The following EEIG1 variants were observed in gnomAD, a reference collection of about 807,000 sequenced individuals.
The protein encoded by EEIG1 is early estrogen-induced gene 1 protein.
chr9:127,944,674 G>C, the EEIG1 span: 82 of 1,612,846 alleles, frequency 5.1e-5, no homozygotes, highest in Non-Finnish European at 6.7e-5. Flanking sequence ...CGAACAGCCG[G>C]AGGTTGCTGT....
At chr9:127,969,989 C>T in the EEIG1 span, among the ~76,000 whole-genome samples, 1 of 152,154 alleles carries the variant, frequency 6.6e-6, no homozygotes, top group African/African-American at 2.4e-5. Flanking sequence ...CCCATGAAAC[C>T]AGCCCCCAAG....
the EEIG1 span, among the ~76,000 whole-genome samples, chr9:127,977,958 A>G: frequency 2.6e-5 from 4 of 152,178 alleles, no homozygotes; most frequent in African/African-American, 7.2e-5. Flanking sequence ...AACTTGCCCA[A>G]TGTCACTCAG....
the EEIG1 span, among the ~76,000 whole-genome samples, chr9:127,947,673 G>A: frequency 6.6e-6 from 1 of 152,148 alleles, no homozygotes; most frequent in Admixed American, 6.5e-5. Context: ...CTCACCCCCT[G>A]AATGCAGCTC....
At chr9:127,955,713 T>C in the EEIG1 span, among the ~76,000 whole-genome samples, 1 of 152,182 alleles carries the variant, frequency 6.6e-6, no homozygotes, top group Non-Finnish European at 1.5e-5. Flanking sequence ...GGAAACAGCA[T>C]GAATGAGGGA....
At chr9:127,944,356 C>A in the EEIG1 span, 3 of 586,600 alleles carry the variant, frequency 5.1e-6, no homozygotes, top group Non-Finnish European at 9.1e-6. Flanking sequence ...CTGCACCAGG[C>A]ATTGCTGGAG....
the EEIG1 span, among the ~76,000 whole-genome samples, chr9:127,963,460 T>G: frequency 0.013 from 1,935 of 152,352 alleles, 120 homozygotes; most frequent in East Asian, 0.2. Context: ...ATTTTTAGCT[T>G]TAAGATATAC....
chr9:127,967,546 A>C, the EEIG1 span, among the ~76,000 whole-genome samples: 1 of 152,208 alleles, frequency 6.6e-6, no homozygotes, highest in East Asian at 1.9e-4. Context: ...AAGAAGACAC[A>C]ATGGGTGTCA....
the EEIG1 span, among the ~76,000 whole-genome samples, chr9:127,977,976 G>A: frequency 6.6e-6 from 1 of 152,184 alleles, no homozygotes; most frequent in Non-Finnish European, 1.5e-5. Flanking sequence ...CAGCCAGTGA[G>A]TAGCCAACTC....
the EEIG1 span, among the ~76,000 whole-genome samples, chr9:127,959,542 C>G: frequency 6.6e-6 from 1 of 152,146 alleles, no homozygotes; most frequent in Admixed American, 6.5e-5. Flanking sequence ...ATTGTGATCC[C>G]CACATGTCAA....
chr9:127,955,018 G>C, the EEIG1 span, among the ~76,000 whole-genome samples: 1 of 152,142 alleles, frequency 6.6e-6, no homozygotes, highest in African/African-American at 2.4e-5. Context: ...CTGCATCCCC[G>C]AGCAGCTCCC....
chr9:127,980,192 G>C, the EEIG1 span: 1 of 1,555,366 alleles, frequency 6.4e-7, no homozygotes, highest in South Asian at 1.2e-5. Flanking sequence ...GAGAGGGACG[G>C]GATTCCTTTC....
chr9:127,970,321 G>C, the EEIG1 span, among the ~76,000 whole-genome samples: 2 of 152,130 alleles, frequency 1.3e-5, no homozygotes, highest in Admixed American at 1.3e-4. Flanking sequence ...GTTTCACCTT[G>C]TTGGTCAGGC....
At chr9:127,957,339 G>A in the EEIG1 span, among the ~76,000 whole-genome samples, 1 of 150,098 alleles carries the variant, frequency 6.7e-6, no homozygotes, top group Middle Eastern at 3.2e-3. Flanking sequence ...GGCAAACACA[G>A]TGAAAAGAAG....
At chr9:127,972,956 C>T in the EEIG1 span, among the ~76,000 whole-genome samples, 1 of 152,234 alleles carries the variant, frequency 6.6e-6, no homozygotes, top group Non-Finnish European at 1.5e-5. The surrounding 1 kb of genome is among the most constrained non-coding windows in gnomAD (Gnocchi z 4.3). Flanking sequence ...TGACAGGTCC[C>T]AGGGCATATC....
At chr9:127,945,868 G>A in the EEIG1 span, 4 of 713,940 alleles carry the variant, frequency 5.6e-6, no homozygotes, top group African/African-American at 3.5e-5. The surrounding 1 kb of genome is among the most constrained non-coding windows in gnomAD (Gnocchi z 6.5). Context: ...CCATTTAACA[G>A]ACTGAAAAAC....
chr9:127,951,814 C>CAAAAAAAA, the EEIG1 span, among the ~76,000 whole-genome samples: 1 of 109,242 alleles, frequency 9.2e-6, no homozygotes, highest in African/African-American at 3.7e-5. Context: ...GACTCCATCT[C>CAAAAAAAA]AAAAAAAAAA....
chr9:127,961,245 C>A, the EEIG1 span, among the ~76,000 whole-genome samples: 19 of 151,930 alleles, frequency 1.3e-4, no homozygotes, highest in Non-Finnish European at 2.5e-4. Context: ...AGCCCCGGGG[C>A]CCCTCTGGTG....
At chr9:127,971,239 T>C in the EEIG1 span, among the ~76,000 whole-genome samples, 1 of 152,136 alleles carries the variant, frequency 6.6e-6, no homozygotes. Flanking sequence ...GCAGCCCTGT[T>C]TGATGGAGGA....
chr9:127,948,045 A>T, the EEIG1 span: 1 of 1,594,468 alleles, frequency 6.3e-7, no homozygotes, highest in Non-Finnish European at 8.6e-7. Flanking sequence ...CTAGCAGGGG[A>T]GGGGCGGACA....
Sources: allele counts gnomAD v4.1 joint callset (sites outside exome capture counted in the v4.1 genomes callset), GRCh38; gene constraint gnomAD v4.1.1; non-coding constraint Gnocchi (gnomAD v3.1); transcripts MANE v1.5; gene names NCBI Gene and HGNC (gene_info 2026-07-23, HGNC 2026-07-21).